Variants in LRP1B observed in about 807,000 individuals in gnomAD.
LRP1B encodes low-density lipoprotein receptor-related protein 1B.
In LRP1B, 217 loss-of-function variants were observed where a neutral mutation model predicts 556.6. The ratio of observed to expected loss-of-function variants is 0.39; its 90% CI spans 0.35 to 0.44. The LOEUF (loss-of-function observed/expected upper bound fraction) is 0.44, where lower values mean the gene tolerates loss of function less well. Among genes scored for constraint, LRP1B ranks in the 20% least tolerant of loss-of-function variants. LRP1B has a pLI of 1.00. For missense variants in LRP1B, 5,053 were observed against 5,620.8 expected (o/e 0.90, Z 3.23); for synonymous variants, 2,047 against 1,865.8 (o/e 1.10, Z -2.50).
chr2:141,021,313 A>G (rs1698058358), intron 11 of LRP1B, among the ~76,000 whole-genome samples: 1 of 152,006 alleles, frequency 6.6e-6, no homozygotes, highest in South Asian at 2.1e-4. Flanking sequence ...TTGCTAATCA[A>G]CATGTGTTGT....
chr2:141,564,611 GT>G (rs1431722366), intron 2 of LRP1B, among the ~76,000 whole-genome samples: 1 of 152,016 alleles, frequency 6.6e-6, no homozygotes, highest in Non-Finnish European at 1.5e-5. Context: ...GATCCCCGAA[GT>G]TTGGTTATGT....
intron 2 of LRP1B, among the ~76,000 whole-genome samples, chr2:141,510,043 C>A (rs1299282419): frequency 6.6e-6 from 1 of 151,748 alleles, no homozygotes; most frequent in Non-Finnish European, 1.5e-5. Flanking sequence ...ATTTGGGGAC[C>A]AAAAAATGAC....
At chr2:141,931,967 T>C (rs946851122) in intron 1 of LRP1B, among the ~76,000 whole-genome samples, 2 of 151,988 alleles carry the variant, frequency 1.3e-5, no homozygotes, top group Admixed American at 6.6e-5. Flanking sequence ...GAGGATTTAA[T>C]AGGTGTTTGA....
At chr2:140,589,101 A>C (rs1682113827) in intron 43 of LRP1B, among the ~76,000 whole-genome samples, 1 of 152,226 alleles carries the variant, frequency 6.6e-6, no homozygotes, top group Non-Finnish European at 1.5e-5. Flanking sequence ...CATTTTTAGA[A>C]AAAATAGAAT....
chr2:141,081,425 A>T (rs1316193629), intron 7 of LRP1B, among the ~76,000 whole-genome samples: 3 of 152,178 alleles, frequency 2.0e-5, no homozygotes, highest in African/African-American at 7.2e-5. Context: ...CATGTAGAAG[A>T]CACCCAGTGT....
At chr2:140,784,729 TAAA>T (rs57607357) in intron 32 of LRP1B, among the ~76,000 whole-genome samples, 2 of 150,762 alleles carry the variant, frequency 1.3e-5, no homozygotes, top group South Asian at 2.1e-4. Context: ...GAAGAAAAGG[TAAA>T]AAAAAAAATT....
intron 1 of LRP1B, among the ~76,000 whole-genome samples, chr2:142,071,116 T>C (rs1255291593): frequency 6.6e-6 from 1 of 151,754 alleles, no homozygotes; most frequent in Non-Finnish European, 1.5e-5. Flanking sequence ...AAATAGAGGA[T>C]GGGAAGGGAT....
chr2:140,264,435 G>C (rs1229218772), intron 86 of LRP1B, among the ~76,000 whole-genome samples: 1 of 151,136 alleles, frequency 6.6e-6, no homozygotes, highest in Admixed American at 6.6e-5. Context: ...CACCACGTTG[G>C]CCAGGCTAGT....
intron 2 of LRP1B, among the ~76,000 whole-genome samples, chr2:141,533,991 G>C: frequency 6.6e-6 from 1 of 152,092 alleles, no homozygotes; most frequent in East Asian, 1.9e-4. Context: ...TGTTTCAAGA[G>C]TGGTTAATGA....
rs1354645718 is a variant in LRP1B at position 140,534,091 on chromosome 2, G to C, written c.7692C>G (p.Cys2564Trp). ...CATCACATAACTTGCCATGAGGAAT[G>C]CAGCGGCGATTATAGCATGGCTTGA... ...RGFKPCYNRR[C>W]IPHGKLCDGE... The change falls in exon 47 of 91, where the codon TGC (cysteine) becomes TGG (tryptophan). Residue 2564 changes from cysteine to tryptophan, a missense_variant. Cys to Trp is a radical substitution (Grantham distance 215, BLOSUM62 -2). Transcript: ENST00000389484. The C allele has an allele frequency of 6.2e-7, 1 of 1,613,292 alleles. No individual in the cohort carries two copies. The highest frequency in any genetic ancestry group is 8.5e-7 in the Non-Finnish European group (1 of 1,179,432).
intron 3 of LRP1B, among the ~76,000 whole-genome samples, chr2:141,429,937 A>G (rs1038315449): frequency 4.6e-5 from 7 of 152,216 alleles, no homozygotes; most frequent in African/African-American, 9.6e-5. Context: ...AAGAATATCA[A>G]TGAAAATGGC....
rs567607050 is a variant in LRP1B at position 140,439,911 on chromosome 2, TC to T, written c.10414+2592del. Among the ~76,000 whole-genome samples the T allele has an allele frequency of 7.2e-5, 11 of 152,222 alleles. No individual in the cohort carries two copies. The East Asian group carries it at 7.7e-4, about 11-fold the overall frequency. On this transcript the variant is annotated intron_variant, in intron 66 of 90. Transcript: ENST00000389484. ...AAAAATTTACAATGATTATTTTAAT[TC>T]CCCCCATTATATGTATATTTTGTAT...
At chr2:141,940,598 A>C (rs549312498) in intron 1 of LRP1B, among the ~76,000 whole-genome samples, 5 of 152,204 alleles carry the variant, frequency 3.3e-5, no homozygotes, top group Non-Finnish European at 7.4e-5. Flanking sequence ...ACTTCTATTC[A>C]TGATTTAACT....
At chr2:141,310,788 G>T (rs1686785089) in intron 3 of LRP1B, among the ~76,000 whole-genome samples, 1 of 152,146 alleles carries the variant, frequency 6.6e-6, no homozygotes, top group Non-Finnish European at 1.5e-5. Flanking sequence ...GAAATACATT[G>T]ATGCCCATGA....
intron 10 of LRP1B, among the ~76,000 whole-genome samples, chr2:141,051,128 T>C (rs1401946265): frequency 2.0e-5 from 3 of 151,894 alleles, no homozygotes; most frequent in Admixed American, 1.3e-4. Flanking sequence ...CAGGAAACAA[T>C]AGATGCTGGC....
chr2:141,482,867 T>C (rs1481323174), intron 2 of LRP1B, among the ~76,000 whole-genome samples: 3 of 152,144 alleles, frequency 2.0e-5, no homozygotes, highest in Non-Finnish European at 4.4e-5. Flanking sequence ...TTCATAAACC[T>C]GAGAAACTTC....
chr2:140,297,643 C>T (rs140270184), intron 84 of LRP1B, among the ~76,000 whole-genome samples, 165 bp downstream of exon 84: 1 of 151,854 alleles, frequency 6.6e-6, no homozygotes, highest in East Asian at 1.9e-4. Context: ...AAAATCTTTA[C>T]AATAAGAGAA....
chr2:140,441,945 CAATT>C (rs1197826680), intron 66 of LRP1B, among the ~76,000 whole-genome samples: 1 of 152,032 alleles, frequency 6.6e-6, no homozygotes, highest in Non-Finnish European at 1.5e-5. Context: ...TCTGCGATAA[CAATT>C]AAGAAATAAT....
At chr2:141,908,032 G>T (rs1699805166) in intron 1 of LRP1B, among the ~76,000 whole-genome samples, 1 of 151,950 alleles carries the variant, frequency 6.6e-6, no homozygotes, top group African/African-American at 2.4e-5. Context: ...ACTGTAAACT[G>T]AATTTTAATC....
Sources: gnomAD v4.1 joint callset for allele counts (sites outside exome capture counted in the v4.1 genomes callset) on GRCh38, gnomAD v4.1.1 for gene constraint, MANE v1.5 for transcripts, NCBI Gene and HGNC (gene_info 2026-07-23, HGNC 2026-07-21) for gene names.